Variants in ZNF600 observed in about 807,000 individuals in gnomAD.
The protein encoded by ZNF600 is zinc finger protein KR-ZNF1.
In ZNF600, 4 loss-of-function variants were observed where a neutral mutation model predicts 7.3. That is an observed-to-expected ratio of 0.55 (90% CI 0.27 to 1.25). The LOEUF (loss-of-function observed/expected upper bound fraction) is 1.25. Ranked by LOEUF, ZNF600 falls within the 50% of genes most tolerant of loss-of-function variation. The pLI, the probability that ZNF600 is intolerant of heterozygous loss-of-function variation, is 0.12. For synonymous variants in ZNF600, 290 were observed against 308.9 expected (o/e 0.94, Z 0.64); for missense variants, 911 against 922.1 (o/e 0.99, Z 0.16).
chr19:52,820,957 G>A, the ZNF600 span, among the ~76,000 whole-genome samples: 1 of 151,968 alleles, frequency 6.6e-6, no homozygotes, highest in African/African-American at 2.4e-5. Flanking sequence ...AGGGTTTGGA[G>A]TAAGACACCT....
At chr19:52,766,983 T>G (rs1568624716) in exon 4 of ZNF600, 1 of 1,614,164 alleles carries the variant, frequency 6.2e-7, no homozygotes, top group Admixed American at 1.7e-5. Flanking sequence ...AAGGGCTGAA[T>G]TTTGACCAAA....
the ZNF600 span, chr19:52,808,172 G>T: frequency 6.2e-7 from 1 of 1,610,170 alleles, no homozygotes; most frequent in Non-Finnish European, 8.5e-7. Flanking sequence ...GGTTATGGTG[G>T]AGTTCTTATC....
the ZNF600 span, chr19:52,798,341 A>C: frequency 6.0e-6 from 2 of 333,536 alleles, no homozygotes; most frequent in Admixed American, 4.3e-5. Context: ...ATTAATGCTT[A>C]AACTCAATGT....
At chr19:52,800,287 C>T in the ZNF600 span, 1 of 1,607,338 alleles carries the variant, frequency 6.2e-7, no homozygotes, top group Non-Finnish European at 8.5e-7. Context: ...TATGGTTTCT[C>T]TCCAGTATGA....
chr19:52,786,799 G>A lies in ZNF600; in HGVS notation c.-224C>T, dbSNP rs2062768005. On this transcript the variant is annotated 5_prime_UTR_variant, in exon 1 of 4. Transcript: ENST00000648973. ...TTGTGCGCGCCCAGGACTGAAGCCA[G>A]GCCGGGGCAGGTTGGCTGGACCTGG... is the stretch of plus-strand genomic sequence containing the variant. The A allele has an allele frequency of 8.2e-6, 3 of 364,988 alleles. No individual in the cohort carries two copies. The highest frequency in any genetic ancestry group is 4.1e-5 in the African/African-American group (2 of 48,338). 22.6% of individuals were successfully genotyped at this position (364,988 alleles called of 1,614,324 possible).
At chr19:52,832,855 T>C in the ZNF600 span, among the ~76,000 whole-genome samples, 3 of 152,058 alleles carry the variant, frequency 2.0e-5, no homozygotes, top group Admixed American at 6.6e-5. Flanking sequence ...TACTGTAACC[T>C]CCACCTCCCG....
intron 2 of ZNF600, 35 bp from the exon 5 acceptor site, chr19:52,774,736 G>A: frequency 8.1e-6 from 8 of 985,338 alleles, no homozygotes; most frequent in Non-Finnish European, 9.6e-6. Context: ...AAAACATTAT[G>A]GAGGATTGAG....
At chr19:52,810,266 A>C in the ZNF600 span, 1 of 1,371,202 alleles carries the variant, frequency 7.3e-7, no homozygotes, top group Non-Finnish European at 1.0e-6. Context: ...ATGCTGGCCC[A>C]GTGATCACGT....
the ZNF600 span, among the ~76,000 whole-genome samples, chr19:52,806,911 G>T: frequency 6.6e-6 from 1 of 152,114 alleles, no homozygotes; most frequent in Admixed American, 6.6e-5. Flanking sequence ...TAAAAAAAGA[G>T]AGAAAGAAAG....
the ZNF600 span, among the ~76,000 whole-genome samples, chr19:52,811,772 G>GC: frequency 2.0e-4 from 29 of 147,510 alleles, no homozygotes; most frequent in African/African-American, 7.1e-4. Flanking sequence ...GGGGGGGTCA[G>GC]CCCCCCGCCC....
At chr19:52,798,810 T>C in the ZNF600 span, 2 of 833,092 alleles carry the variant, frequency 2.4e-6, no homozygotes, top group African/African-American at 1.7e-5. Flanking sequence ...TTTGCAATGG[T>C]TGTAGCATTA....
At chr19:52,812,146 G>A in the ZNF600 span, among the ~76,000 whole-genome samples, 181 of 126,002 alleles carry the variant, frequency 1.4e-3, 6 homozygotes, top group South Asian at 1.9e-3. Flanking sequence ...GGTGGTGGGG[G>A]GGTCAGCCCC....
intron 1 of ZNF600, among the ~76,000 whole-genome samples, chr19:52,782,295 G>A (rs150306102): frequency 5.1e-4 from 77 of 152,142 alleles, no homozygotes; most frequent in African/African-American, 1.7e-3. Flanking sequence ...AAGCTGAGGC[G>A]GGAGGATCAC....
chr19:52,820,325 G>C, the ZNF600 span, among the ~76,000 whole-genome samples: 1 of 135,224 alleles, frequency 7.4e-6, no homozygotes, highest in Admixed American at 7.5e-5. Context: ...CACCTTGTTA[G>C]CCAGGATGGT....
the ZNF600 span, among the ~76,000 whole-genome samples, chr19:52,812,762 T>TAAAAA: frequency 1.4e-3 from 107 of 75,400 alleles, no homozygotes; most frequent in African/African-American, 3.8e-3. Flanking sequence ...GAATGATCAA[T>TAAAAA]AAAAAAAAAA....
chr19:52,810,449 G>A, the ZNF600 span: 1 of 1,598,100 alleles, frequency 6.3e-7, no homozygotes, highest in Non-Finnish European at 8.6e-7. Flanking sequence ...CATATATAGA[G>A]TTCTCAAAGA....
the ZNF600 span, among the ~76,000 whole-genome samples, chr19:52,820,318 C>T: frequency 2.2e-5 from 3 of 135,658 alleles, 1 homozygote; most frequent in South Asian, 2.6e-4. Context: ...GGGGTTTCAC[C>T]TTGTTAGCCA....
chr19:52,832,123 G>T, the ZNF600 span, among the ~76,000 whole-genome samples: 1 of 120,926 alleles, frequency 8.3e-6, no homozygotes, highest in African/African-American at 2.8e-5. Flanking sequence ...TCAGGCAAAA[G>T]AATCGCTGTA....
At chr19:52,800,074 C>G in the ZNF600 span, 6 of 1,613,916 alleles carry the variant, frequency 3.7e-6, no homozygotes, top group East Asian at 2.2e-5. Context: ...AGGTGTGAAT[C>G]CCTCCGGAAA....
Sources: allele counts gnomAD v4.1 joint callset (sites outside exome capture counted in the v4.1 genomes callset), GRCh38; gene constraint gnomAD v4.1.1; transcripts MANE v1.5; gene names NCBI Gene and HGNC (gene_info 2026-07-23, HGNC 2026-07-21).